CSMD2: variants seen among roughly 807,000 people sequenced by gnomAD.
The protein encoded by CSMD2 is CUB and sushi domain-containing protein 2.
A neutral mutation model predicts 398.5 loss-of-function variants in CSMD2; 130 were observed. The ratio of observed to expected loss-of-function variants is 0.33; its 90% CI spans 0.28 to 0.38. The LOEUF (loss-of-function observed/expected upper bound fraction) is 0.38, where lower values mean the gene tolerates loss of function less well. Ranked by LOEUF, CSMD2 falls within the 10% of genes least tolerant of loss-of-function variation. CSMD2 has a pLI of 1.00. For synonymous variants in CSMD2, 1,828 were observed against 1,908.5 expected, an observed-to-expected ratio of 0.96 and a Z score of 1.10; for missense variants, 3,829 against 4,764.9, an observed-to-expected ratio of 0.80 and a Z score of 5.78.
chr1:34,103,367 C>T (rs1287878638), intron 1 of CSMD2, among the ~76,000 whole-genome samples: 1 of 142,158 alleles, frequency 7.0e-6, no homozygotes, highest in Non-Finnish European at 1.5e-5. Flanking sequence ...GGTGCGATCT[C>T]GGCTCACTGC....
intron 25 of CSMD2, among the ~76,000 whole-genome samples, chr1:33,663,900 T>G (rs1644225374): frequency 6.6e-6 from 1 of 152,196 alleles, no homozygotes; most frequent in African/African-American, 2.4e-5. Flanking sequence ...CCATAGACCT[T>G]TCACCATTTC....
chr1:34,107,127 T>C (rs1478136068), intron 1 of CSMD2, among the ~76,000 whole-genome samples: 1 of 152,200 alleles, frequency 6.6e-6, no homozygotes, highest in Non-Finnish European at 1.5e-5. Context: ...ATTCTACTCC[T>C]GTCTGGGTCT....
At chr1:33,654,568 G>A (rs1158920581) in intron 27 of CSMD2, among the ~76,000 whole-genome samples, 1 of 152,226 alleles carries the variant, frequency 6.6e-6, no homozygotes, top group African/African-American at 2.4e-5. Flanking sequence ...TCCTTCAGGA[G>A]CAGAGGGCTA....
intron 10 of CSMD2, among the ~76,000 whole-genome samples, chr1:33,806,172 T>C (rs1366213682): frequency 6.6e-6 from 1 of 152,148 alleles, no homozygotes; most frequent in Non-Finnish European, 1.5e-5. Flanking sequence ...TGAAGGTGAA[T>C]TAGAAATGAG....
intron 16 of CSMD2, 48 bp from the exon 17 acceptor site, chr1:33,725,584 A>G (rs1299637253): frequency 6.3e-7 from 1 of 1,584,218 alleles, no homozygotes; most frequent in Admixed American, 1.7e-5. Context: ...CAAGCTTATT[A>G]ATTTGCAAAT....
chr1:33,657,908 G>A (rs1302636912), intron 27 of CSMD2, 38 bp downstream of exon 27: 9 of 1,572,474 alleles, frequency 5.7e-6, no homozygotes, highest in Non-Finnish European at 7.8e-6. Context: ...ACAACTGTGA[G>A]CCCCAAGAGC....
Position 33,825,695 on chromosome 1 carries a change from ACACAC to A in CSMD2, c.1108_1111+1del. ...CAGGCGGGCTGGCGGGCGGACACTT[ACACAC>A]AGACGTCTTCTGGCTGTTGTCTTTG... is the stretch of plus-strand genomic sequence containing the variant. On this transcript the variant is annotated splice_donor_variant and coding_sequence_variant, in exon 7 of 71. Transcript: ENST00000373381. LOFTEE classifies it high-confidence loss of function. The A allele has an allele frequency of 6.2e-7, 1 of 1,605,072 alleles. No homozygotes were observed. The highest frequency in any genetic ancestry group is 8.5e-7 in the Non-Finnish European group (1 of 1,175,880).
At position 33,867,222 on chromosome 1, in the gene CSMD2, C is replaced by T. The variant is rs544886276; in HGVS notation, c.921-20226G>A. On this transcript the variant is annotated intron_variant, in intron 5 of 70. Transcript: ENST00000373381. ...GGTCAAGTTTGAGAAGCCCATGTGG[C>T]AAGGAATGACAAGGAACTGTGGGAA... Among the ~76,000 whole-genome samples the T allele has an allele frequency of 8.5e-5, 13 of 152,292 alleles. No individual in the cohort carries two copies. The South Asian group carries it at 1.0e-3, about 12-fold the overall frequency.
chr1:33,971,845 T>C (rs990922047), intron 3 of CSMD2, among the ~76,000 whole-genome samples: 27 of 152,178 alleles, frequency 1.8e-4, no homozygotes, highest in African/African-American at 6.5e-4. Flanking sequence ...CGAGATCTAT[T>C]CCTGTAAGTC....
intron 2 of CSMD2, among the ~76,000 whole-genome samples, chr1:34,055,880 AT>A (rs1256269454): frequency 6.6e-6 from 1 of 152,176 alleles, no homozygotes; most frequent in African/African-American, 2.4e-5. Context: ...CTCTTTAATC[AT>A]GGCTTGGTCT....
intron 3 of CSMD2, among the ~76,000 whole-genome samples, chr1:34,014,878 C>A (rs1299363848): frequency 6.6e-6 from 1 of 152,212 alleles, no homozygotes; most frequent in Non-Finnish European, 1.5e-5. Context: ...AACAAAGATA[C>A]TCTCTGTACC....
chr1:33,927,237 TG>T (rs1462270783), intron 4 of CSMD2, among the ~76,000 whole-genome samples: 3 of 152,218 alleles, frequency 2.0e-5, no homozygotes, highest in Non-Finnish European at 2.9e-5. Context: ...CCCCTCTTCC[TG>T]GGGGCTTTGG....
intron 53 of CSMD2, among the ~76,000 whole-genome samples, chr1:33,560,126 C>T (rs1392506197): frequency 3.9e-5 from 6 of 152,128 alleles, no homozygotes; most frequent in Admixed American, 6.5e-5. Flanking sequence ...GCAATGTTCT[C>T]GGCTGCTCTC....
intron 5 of CSMD2, among the ~76,000 whole-genome samples, chr1:33,877,129 C>A (rs1381696614): frequency 6.6e-6 from 1 of 152,212 alleles, no homozygotes; most frequent in African/African-American, 2.4e-5. Flanking sequence ...CAAATGGCTG[C>A]TGAGAGGAAA....
chr1:33,696,017 G>A (rs1425316542), intron 24 of CSMD2, among the ~76,000 whole-genome samples: 1 of 152,178 alleles, frequency 6.6e-6, no homozygotes, highest in Admixed American at 6.5e-5. Context: ...GAGCTCCTTG[G>A]CAGCAGGGAC....
chr1:33,711,653 T>A (rs1645994418), intron 21 of CSMD2, among the ~76,000 whole-genome samples: 1 of 152,204 alleles, frequency 6.6e-6, no homozygotes, highest in South Asian at 2.1e-4. Context: ...AGCACCCTCA[T>A]GGTTCCTGAT....
Position 33,663,073 on chromosome 1 carries a change from C to G in CSMD2, c.4072G>C (p.Asp1358His). ...AGCACGTCGTGAACCTCCTCTGTGT[C>G]AAACACCAGGAAGTGTAGCCTGCAC... ...CTIGLHFLVF[D>H]TEEVHDVLRI... The change falls in exon 26 of 71, where the codon GAC becomes CAC. Residue 1358 changes from aspartate (D) to histidine (H), a missense_variant. By Grantham distance (81) the Asp-to-His change is moderately conservative (BLOSUM62 -1). This residue lies in a region of CSMD2 where 2,001 missense variants were observed against 2,567.1 expected (regional missense o/e 0.78). Transcript: ENST00000373381. 6.2e-7 allele frequency: 1 copy of G among 1,614,048 alleles called. No individual in the cohort carries two copies. Among genetic ancestry groups the G allele is most frequent in the Non-Finnish European group, 8.5e-7 (1 of 1,179,916 alleles).
chr1:33,866,800 C>T (rs1305381467), intron 5 of CSMD2, among the ~76,000 whole-genome samples: 3 of 152,270 alleles, frequency 2.0e-5, no homozygotes, highest in Non-Finnish European at 4.4e-5. Context: ...TGGTGGTCCC[C>T]ACCTTAATGT....
Position 33,600,979 on chromosome 1 carries a change from C to T in CSMD2, c.6742G>A (p.Gly2248Ser), listed in dbSNP as rs755126476. The T allele has an allele frequency of 4.4e-5, 71 of 1,614,024 alleles. No individual in the cohort carries two copies. Among genetic ancestry groups the T allele is most frequent in the Middle Eastern group, 1.6e-4 (1 of 6,084 alleles). Residue 2248 changes from glycine (G) to serine (S), a missense_variant, in exon 44 of 71, where the codon GGC becomes AGC. Gly to Ser is a moderately conservative substitution (Grantham distance 56). Around this residue, in one of 5 missense-constraint regions of CSMD2, gnomAD observed 723 missense variants for 758.6 expected, o/e 0.95. Coordinates refer to ENST00000373381, the MANE Select transcript of CSMD2 (RefSeq NM_001281956.2). ...DGPQQTAPRL[G>S]VFTRSMAKKT... Reference sequence around the variant, plus strand: ...TTGGCCATGCTCCGGGTGAAGACGCCGAGCCGTGGTGCTGTTTGCTGTGGC... The same window carrying T: ...TTGGCCATGCTCCGGGTGAAGACGCTGAGCCGTGGTGCTGTTTGCTGTGGC...
Sources: allele counts gnomAD v4.1 joint callset (sites outside exome capture counted in the v4.1 genomes callset), GRCh38; gene constraint gnomAD v4.1.1; regional missense constraint gnomAD v4.1.1; transcripts MANE v1.5; gene names NCBI Gene and HGNC (gene_info 2026-07-23, HGNC 2026-07-21).